DNAJC27: variants seen among roughly 807,000 people sequenced by gnomAD.
The protein encoded by DNAJC27 is DnaJ heat shock protein family (Hsp40) member C27.
DNAJC27 carries 25 observed loss-of-function variants against 31.4 expected under a neutral mutation model. The ratio of observed to expected loss-of-function variants is 0.80; its 90% confidence interval spans 0.58 to 1.11. The LOEUF is 1.11. Ranked by LOEUF, DNAJC27 falls within the 50% of genes most tolerant of loss-of-function variation. The pLI, the probability that DNAJC27 is intolerant of heterozygous loss-of-function variation, is 0.00. For synonymous variants in DNAJC27, 106 were observed against 112.7 expected (o/e 0.94, Z 0.37); for missense variants, 356 against 347.3 (o/e 1.02, Z -0.20).
intron 5 of DNAJC27, among the ~76,000 whole-genome samples, chr2:24,954,312 T>C (rs79272567): frequency 0.087 from 13,241 of 152,230 alleles, 779 homozygotes; most frequent in East Asian, 0.2. Context: ...CTGGGAACAG[T>C]AGGGTTTAGC....
At chr2:24,960,997 T>A (rs890355280) in intron 3 of DNAJC27, among the ~76,000 whole-genome samples, 1 of 152,168 alleles carries the variant, frequency 6.6e-6, no homozygotes, top group Non-Finnish European at 1.5e-5. Flanking sequence ...AATAGATAGA[T>A]CTAATGGAAG....
At chr2:24,965,713 C>A (rs894180995) in intron 2 of DNAJC27, among the ~76,000 whole-genome samples, 5 of 152,134 alleles carry the variant, frequency 3.3e-5, no homozygotes, top group Non-Finnish European at 7.4e-5. Context: ...TTTACTCTAC[C>A]ATTTACTGGG....
intron 1 of DNAJC27, 74 bp downstream of exon 1, chr2:24,971,721 AGGCCGGGCCCCAGGCTGTTGAGT>A: frequency 2.8e-6 from 3 of 1,072,046 alleles, no homozygotes; most frequent in Non-Finnish European, 3.9e-6. Flanking sequence ...GGCGGAGAGG[AGGCCGGGCCCCAGGCTGTTGAGT>A]GGCCGCCCTT....
chr2:24,946,210 A>G lies in DNAJC27; in HGVS notation c.*1406T>C, dbSNP rs886237578. On this transcript the variant is annotated 3_prime_UTR_variant, in exon 7 of 7. Coordinates refer to ENST00000264711, the MANE Select transcript of DNAJC27 (RefSeq NM_016544.3). ...GGTCAGAGAATGTATTTTGTAAGCTATAGTTTAAAAATATTACTCTTCAGA... is the reference window on the plus strand; with the variant it reads ...GGTCAGAGAATGTATTTTGTAAGCTGTAGTTTAAAAATATTACTCTTCAGA... 2 of 152,196 alleles carry G rather than the reference A, an allele frequency of 1.3e-5. No homozygotes were observed. Among genetic ancestry groups the G allele is most frequent in the Non-Finnish European group, 2.9e-5 (2 of 68,044 alleles). 9.4% of individuals were successfully genotyped at this position (152,196 alleles called of 1,614,324 possible).
In DNAJC27 at chr2:24,971,804, C is replaced by T; in HGVS notation, c.87+14G>A. 1 of 1,597,454 alleles carries T rather than the reference C, an allele frequency of 6.3e-7. No homozygotes were observed. Among genetic ancestry groups the T allele is most frequent in the Admixed American group, 1.7e-5 (1 of 58,120 alleles). On this transcript the variant is annotated intron_variant, in intron 1 of 6. Coordinates refer to ENST00000264711, the MANE Select transcript of DNAJC27 (RefSeq NM_016544.3). ...CCACGCTGGGGCCCGCCCCTCCCGG[C>T]TCGCTGTACTCACTTTCCCCACTTC...
Position 24,947,511 on chromosome 2 carries a change from A to G in DNAJC27, c.*105T>C. The G allele has an allele frequency of 1.5e-6, 2 of 1,354,502 alleles. No individual in the cohort carries two copies. Among genetic ancestry groups the G allele is most frequent in the South Asian group, 1.5e-5 (1 of 68,838 alleles). The allele number at this position is 1,354,502 out of a possible 1,614,324, so 83.9% of individuals were successfully genotyped here. ...TATACAAATGACAACACATGAATGA[A>G]AAGAGCAGTGAGATTCTGGGAAGGA... On this transcript the variant is annotated 3_prime_UTR_variant, in exon 7 of 7. Coordinates refer to ENST00000264711, the MANE Select transcript of DNAJC27 (RefSeq NM_016544.3).
At chr2:24,960,386 C>T (rs1666011336) in intron 3 of DNAJC27, among the ~76,000 whole-genome samples, 1 of 152,114 alleles carries the variant, frequency 6.6e-6, no homozygotes, top group Admixed American at 6.6e-5. Context: ...TGAGACAAAA[C>T]AATATTGAAA....
chr2:24,961,083 G>A (rs1558554381), intron 3 of DNAJC27, among the ~76,000 whole-genome samples: 1 of 152,222 alleles, frequency 6.6e-6, no homozygotes, highest in Non-Finnish European at 1.5e-5. Flanking sequence ...AGGACAGGCT[G>A]ACTCTCTTGT....
chr2:24,950,296 G>A (rs1287545593), intron 6 of DNAJC27, among the ~76,000 whole-genome samples: 1 of 152,084 alleles, frequency 6.6e-6, no homozygotes, highest in Non-Finnish European at 1.5e-5. Context: ...AGTGCTTTGG[G>A]TGCTGACATG....
intron 1 of DNAJC27, among the ~76,000 whole-genome samples, chr2:24,967,856 A>G (rs1184190196): frequency 6.6e-6 from 1 of 152,008 alleles, no homozygotes; most frequent in East Asian, 1.9e-4. Flanking sequence ...GATGTCTTCT[A>G]TTCTTATGCT....
At chr2:24,964,052 C>T (rs1666114866) in intron 2 of DNAJC27, among the ~76,000 whole-genome samples, 1 of 152,088 alleles carries the variant, frequency 6.6e-6, no homozygotes, top group Admixed American at 6.5e-5. Flanking sequence ...CTGTTAACAT[C>T]ATAGCATATT....
Position 24,967,285 on chromosome 2 carries a change from A to G in DNAJC27, c.96T>C (p.Ile32=), listed in dbSNP as rs893919595. 4 of 1,612,294 alleles carry G rather than the reference A, an allele frequency of 2.5e-6. No homozygotes were observed. The Admixed American group carries it at 5.0e-5, about 20-fold the overall frequency. Residue 32 remains isoleucine (I), a synonymous_variant, in exon 2 of 7, where the codon ATT becomes ATC. Coordinates refer to ENST00000264711, the MANE Select transcript of DNAJC27 (RefSeq NM_016544.3). ...MGNAEVGKSC[I]IKRYCEKRFV... ...ATCTTTTCTCACAGTATCGCTTTAT[A>G]ATACAGCTCTAAAAAGGTAAAAAAT... is the stretch of plus-strand genomic sequence containing the variant.
chr2:24,969,014 G>A (rs888885107), intron 1 of DNAJC27: 1 of 160,246 alleles, frequency 6.2e-6, no homozygotes, highest in Non-Finnish European at 1.4e-5. Flanking sequence ...GCCAAAGGGT[G>A]ACTCTACCTC....
chr2:24,946,526 G>A lies in DNAJC27; in HGVS notation c.*1090C>T, dbSNP rs562620312. On this transcript the variant is annotated 3_prime_UTR_variant, in exon 7 of 7. Transcript: ENST00000264711. ...GCCAACTTTGCTGAGGAGTGGCCCT[G>A]CCTTTCTCACCTGCCTGTGGCAAAG... The A allele has an allele frequency of 3.3e-5, 5 of 152,264 alleles. No individual in the cohort carries two copies. The highest frequency in any genetic ancestry group is 7.3e-5 in the Non-Finnish European group (5 of 68,072). The allele number at this position is 152,264 out of a possible 1,614,324, so 9.4% of individuals were successfully genotyped here.
chr2:24,955,366 T>G (rs1287427809), intron 5 of DNAJC27, among the ~76,000 whole-genome samples: 1 of 151,592 alleles, frequency 6.6e-6, no homozygotes, highest in African/African-American at 2.4e-5. Context: ...ATCTGAAAAA[T>G]GCATAAAAAA....
intron 3 of DNAJC27, among the ~76,000 whole-genome samples, chr2:24,959,225 C>A (rs1055597870): frequency 2.0e-5 from 3 of 152,150 alleles, no homozygotes; most frequent in Admixed American, 2.0e-4. Context: ...ATTCCCTAGG[C>A]TCTTAAATTC....
chr2:24,972,033 C>T (rs981131394), upstream of DNAJC27: 27 of 664,422 alleles, frequency 4.1e-5, no homozygotes, highest in African/African-American at 3.4e-4. Context: ...GCTCGCCATC[C>T]CCGCCGCTGC....
intron 6 of DNAJC27, among the ~76,000 whole-genome samples, chr2:24,948,099 T>C (rs1417734393): frequency 6.6e-6 from 1 of 152,056 alleles, no homozygotes; most frequent in Non-Finnish European, 1.5e-5. Context: ...AGGGAAGGCA[T>C]CCAGAGTTGC....
chr2:24,970,375 A>G (rs1666297484), intron 1 of DNAJC27, among the ~76,000 whole-genome samples: 1 of 152,148 alleles, frequency 6.6e-6, no homozygotes, highest in African/African-American at 2.4e-5. Context: ...CTGGCTAATA[A>G]AACTAGAAAA....
Sources: gnomAD v4.1 joint callset for allele counts (sites outside exome capture counted in the v4.1 genomes callset) on GRCh38, gnomAD v4.1.1 for gene constraint, MANE v1.5 for transcripts, NCBI Gene and HGNC (gene_info 2026-07-23, HGNC 2026-07-21) for gene names.